CAMK1D: variants seen among roughly 807,000 people sequenced by gnomAD.
CAMK1D encodes the protein calcium/calmodulin dependent protein kinase ID.
Under a neutral mutation model 47.7 loss-of-function variants are expected in CAMK1D, and 9 were observed. The observed-to-expected ratio is 0.19, with a 90% confidence interval of 0.11 to 0.33. The LOEUF (loss-of-function observed/expected upper bound fraction) is 0.33, where lower values mean the gene tolerates loss of function less well. CAMK1D is among the 10% of genes least tolerant of loss of function. The pLI, the probability that CAMK1D is intolerant of heterozygous loss-of-function variation, is 1.00. For synonymous variants in CAMK1D, 184 were observed against 184.9 expected (o/e 0.99, Z 0.04); for missense variants, 291 against 488.7 (o/e 0.60, Z 3.81).
At chr10:12,797,628 G>T (rs1838252138) in intron 6 of CAMK1D, among the ~76,000 whole-genome samples, 1 of 152,120 alleles carries the variant, frequency 6.6e-6, no homozygotes, top group Non-Finnish European at 1.5e-5. Context: ...TCGATTGTTT[G>T]TTATGATTTC....
At chr10:12,470,122 A>G (rs1459658918) in intron 1 of CAMK1D, among the ~76,000 whole-genome samples, 1 of 152,264 alleles carries the variant, frequency 6.6e-6, no homozygotes, top group Non-Finnish European at 1.5e-5. Context: ...CCATGATTAT[A>G]TAAATATAGC....
At chr10:12,375,529 T>G (rs557399790) in intron 1 of CAMK1D, among the ~76,000 whole-genome samples, 1 of 152,290 alleles carries the variant, frequency 6.6e-6, no homozygotes, top group South Asian at 2.1e-4. Flanking sequence ...AAGGGTGAGT[T>G]GTCAGGGAAA....
intron 3 of CAMK1D, among the ~76,000 whole-genome samples, chr10:12,749,579 G>T (rs4996160): frequency 0.22 from 29,022 of 134,862 alleles, 3,241 homozygotes; most frequent in African/African-American, 0.33. Context: ...TGTTTGTTTT[G>T]ATGAAGTCTC....
intron 3 of CAMK1D, among the ~76,000 whole-genome samples, chr10:12,714,456 C>G (rs964432507): frequency 6.6e-6 from 1 of 152,082 alleles, no homozygotes; most frequent in Non-Finnish European, 1.5e-5. Flanking sequence ...TGCGGTGGCT[C>G]ACGCCTGTAA....
intron 8 of CAMK1D, among the ~76,000 whole-genome samples, chr10:12,821,514 G>T (rs1353866939): frequency 6.6e-6 from 1 of 152,172 alleles, no homozygotes; most frequent in Non-Finnish European, 1.5e-5. Context: ...CAGGTGGCTA[G>T]AAAAGCGCAG....
intron 6 of CAMK1D, among the ~76,000 whole-genome samples, chr10:12,805,738 GA>G (rs1838700318): frequency 6.6e-6 from 1 of 152,206 alleles, no homozygotes; most frequent in African/African-American, 2.4e-5. Flanking sequence ...TGAAGAATGA[GA>G]ACTGTTTGGA....
At chr10:12,761,490 AAG>A (rs1378583098) in intron 4 of CAMK1D, among the ~76,000 whole-genome samples, 3 of 152,168 alleles carry the variant, frequency 2.0e-5, no homozygotes. Context: ...GTATAAAAGA[AAG>A]AGAGCAGTGG....
At chr10:12,567,703 T>G (rs928075388) in intron 2 of CAMK1D, among the ~76,000 whole-genome samples, 3 of 152,226 alleles carry the variant, frequency 2.0e-5, no homozygotes, top group Non-Finnish European at 2.9e-5. Context: ...CACACCAGAT[T>G]TGCTGCCTGT....
At chr10:12,524,972 C>A (rs1477246026) in intron 1 of CAMK1D, among the ~76,000 whole-genome samples, 1 of 151,934 alleles carries the variant, frequency 6.6e-6, no homozygotes, top group Non-Finnish European at 1.5e-5. Flanking sequence ...GTCTTTATTT[C>A]CCCTTTATTT....
chr10:12,774,587 T>G (rs745888450), intron 5 of CAMK1D, among the ~76,000 whole-genome samples: 1 of 152,208 alleles, frequency 6.6e-6, no homozygotes, highest in African/African-American at 2.4e-5. Context: ...CAGTGACATA[T>G]TGTTTTTAAC....
intron 2 of CAMK1D, among the ~76,000 whole-genome samples, chr10:12,659,641 A>AT (rs147465635): frequency 0.076 from 11,471 of 151,486 alleles, 465 homozygotes; most frequent in South Asian, 0.18. Context: ...GGAGGAAATG[A>AT]TTTTTTTTTC....
chr10:12,733,971 G>GC (rs1397958615), intron 3 of CAMK1D, among the ~76,000 whole-genome samples: 1 of 152,016 alleles, frequency 6.6e-6, no homozygotes, highest in Non-Finnish European at 1.5e-5. Flanking sequence ...TGTGGATGAA[G>GC]CCCCCTGTGG....
chr10:12,814,348 G>T, intron 7 of CAMK1D, 41 bp downstream of exon 7: 1 of 1,307,872 alleles, frequency 7.6e-7, no homozygotes, highest in South Asian at 1.2e-5. Flanking sequence ...CGGCCCCCGC[G>T]ACACTTACAC....
chr10:12,401,630 AG>A (rs1054827850), intron 1 of CAMK1D, among the ~76,000 whole-genome samples: 4 of 151,834 alleles, frequency 2.6e-5, no homozygotes, highest in African/African-American at 9.7e-5. Flanking sequence ...GGGGGCCGTC[AG>A]GGTGCCTCAG....
rs958414467 is a variant in CAMK1D at position 12,668,924 on chromosome 10, C to A, written c.299+2114C>A. Among the ~76,000 whole-genome samples the A allele has an allele frequency of 1.5e-3, 224 of 151,074 alleles. 1 individual carries two copies. Among genetic ancestry groups the A allele is most frequent in the Non-Finnish European group, 2.0e-3 (137 of 67,494 alleles). ...TTCTTTTGTGTTAAGAAAAAAAAAA[C>A]AAAAAACAAAAAACAAAACCTCATT... On this transcript the variant is annotated intron_variant, in intron 3 of 10. Transcript: ENST00000619168.
chr10:12,722,006 CT>C (rs1482715142), intron 3 of CAMK1D, among the ~76,000 whole-genome samples: 2 of 151,376 alleles, frequency 1.3e-5, no homozygotes, highest in African/African-American at 2.4e-5. Flanking sequence ...TCTGAGGTCC[CT>C]TTTATAAGGG....
intron 1 of CAMK1D, among the ~76,000 whole-genome samples, chr10:12,376,759 C>CT (rs149986092): frequency 0.17 from 24,095 of 143,822 alleles, 2,139 homozygotes; most frequent in African/African-American, 0.21. Context: ...CTTTTCTTTT[C>CT]TTTTTTTTTT....
chr10:12,463,239 G>T (rs886158479), intron 1 of CAMK1D, among the ~76,000 whole-genome samples: 1 of 151,090 alleles, frequency 6.6e-6, no homozygotes, highest in Non-Finnish European at 1.5e-5. Context: ...CCGTGTTCAA[G>T]TGATTCTCCT....
intron 2 of CAMK1D, among the ~76,000 whole-genome samples, chr10:12,651,392 T>C (rs1839960574): frequency 1.3e-5 from 2 of 152,192 alleles, no homozygotes; most frequent in Non-Finnish European, 1.5e-5. Context: ...CTTTTAATTT[T>C]ATTTTATTCA....
Sources: allele counts gnomAD v4.1 joint callset (sites outside exome capture counted in the v4.1 genomes callset), GRCh38; gene constraint gnomAD v4.1.1; transcripts MANE v1.5; gene names NCBI Gene and HGNC (gene_info 2026-07-23, HGNC 2026-07-21).